CYBRD1: variants seen among roughly 807,000 people sequenced by gnomAD.
CYBRD1 encodes the protein cytochrome b reductase 1, also known as plasma membrane ascorbate-dependent reductase CYBRD1.
Under a neutral mutation model 21.9 loss-of-function variants are expected in CYBRD1, and 14 were observed. That is an observed-to-expected ratio of 0.64 (90% CI 0.42 to 1.00). The LOEUF is 1.00. CYBRD1 is among the 50% of genes least tolerant of loss of function. The probability of loss-of-function intolerance (pLI) is 0.00; values close to 1 mark genes in which losing one functional copy is unlikely to be tolerated. For synonymous variants in CYBRD1, 146 were observed against 136.5 expected (o/e 1.07, Z -0.48); for missense variants, 328 against 352.5 (o/e 0.93, Z 0.56).
At chr2:171,530,681 A>T (rs879358283) in intron 1 of CYBRD1, among the ~76,000 whole-genome samples, 6 of 152,158 alleles carry the variant, frequency 3.9e-5, no homozygotes, top group Admixed American at 2.6e-4. Context: ...CCAGGTTTTT[A>T]AAAAATTGGT....
At chr2:171,529,253 CA>C (rs1259317734) in intron 1 of CYBRD1, among the ~76,000 whole-genome samples, 1 of 152,182 alleles carries the variant, frequency 6.6e-6, no homozygotes, top group Non-Finnish European at 1.5e-5. Flanking sequence ...AAACTGCTGC[CA>C]GGGGCGGTGG....
intron 2 of CYBRD1, among the ~76,000 whole-genome samples, chr2:171,545,545 ATTTT>A (rs35880894): frequency 8.2e-6 from 1 of 121,580 alleles, no homozygotes; most frequent in Non-Finnish European, 1.7e-5. Flanking sequence ...CATGTGGCTA[ATTTT>A]TTTTTTTTTT....
At chr2:171,536,988 C>A (rs975383653) in intron 1 of CYBRD1, among the ~76,000 whole-genome samples, 9 of 152,098 alleles carry the variant, frequency 5.9e-5, no homozygotes, top group Non-Finnish European at 1.0e-4. Flanking sequence ...TAATTTTAAA[C>A]CATGAATTGA....
In CYBRD1 at chr2:171,553,463, G is replaced by C; in HGVS notation, c.520G>C (p.Ala174Pro). The C allele has an allele frequency of 6.2e-7, 1 of 1,612,934 alleles. No homozygotes were observed. Among genetic ancestry groups the C allele is most frequent in the Non-Finnish European group, 8.5e-7 (1 of 1,179,268 alleles). ...IVIFGTVIAT[A>P]LMGLTEKLIF... ...CATCTTTGGAACAGTGATTGCAACAGCACTTATGGGATTGACAGAGAAACT... is the reference window on the plus strand; with the variant it reads ...CATCTTTGGAACAGTGATTGCAACACCACTTATGGGATTGACAGAGAAACT... Residue 174 changes from alanine (A) to proline (P), a missense_variant, in exon 3 of 4, where the codon GCA becomes CCA. By Grantham distance (27) the Ala-to-Pro change is conservative. Coordinates refer to ENST00000321348, the MANE Select transcript of CYBRD1 (RefSeq NM_024843.4).
rs142470037 is a variant in CYBRD1 at position 171,552,695 on chromosome 2, C to G, written c.403-651C>G. The stretch of plus-strand genomic sequence containing the variant: ...CAACAGACTTCAGTTTATATAGGAA[C>G]CTTGCTGTCTTCTCTGCAAAGAGGT... On this transcript the variant is annotated intron_variant, in intron 2 of 3. Transcript: ENST00000321348. Among the ~76,000 whole-genome samples the G allele has an allele frequency of 3.6e-4, 55 of 152,288 alleles. 1 individual carries two copies. Among genetic ancestry groups the G allele is most frequent in the African/African-American group, 1.3e-3 (53 of 41,558 alleles).
At chr2:171,526,704 C>A (rs967344132) in intron 1 of CYBRD1, among the ~76,000 whole-genome samples, 2 of 152,130 alleles carry the variant, frequency 1.3e-5, no homozygotes, top group Non-Finnish European at 2.9e-5. Context: ...ACAGAAAAGA[C>A]TGAAACAAAT....
intron 2 of CYBRD1, 68 bp downstream of exon 2, chr2:171,541,861 C>CCT: frequency 2.7e-6 from 2 of 739,774 alleles, no homozygotes; most frequent in South Asian, 2.0e-5. Flanking sequence ...GTTTTCTTTT[C>CCT]TTTTTTTTTT....
At chr2:171,523,661 C>G (rs1216581435) in intron 1 of CYBRD1, among the ~76,000 whole-genome samples, 3 of 152,184 alleles carry the variant, frequency 2.0e-5, no homozygotes, top group Non-Finnish European at 2.9e-5. Flanking sequence ...CCTGCATTCT[C>G]TGGGCTGAGG....
intron 2 of CYBRD1, among the ~76,000 whole-genome samples, chr2:171,542,499 C>CAG (rs776426132): frequency 6.6e-5 from 10 of 151,886 alleles, no homozygotes; most frequent in Admixed American, 5.9e-4. Flanking sequence ...AAAGGAAAGA[C>CAG]AGAGAGAGAG....
chr2:171,529,604 G>C (rs1294357697), intron 1 of CYBRD1, among the ~76,000 whole-genome samples: 1 of 151,380 alleles, frequency 6.6e-6, no homozygotes, highest in East Asian at 1.9e-4. Flanking sequence ...TACTCAGAAG[G>C]ATGTAGGACA....
intron 3 of CYBRD1, 73 bp from the exon 4 acceptor site, chr2:171,554,451 A>T: frequency 6.0e-6 from 9 of 1,497,568 alleles, no homozygotes; most frequent in Non-Finnish European, 8.3e-6. Context: ...CATTTTGAGC[A>T]GATAAATTCA....
At chr2:171,553,211 C>T (rs2542941) in intron 2 of CYBRD1, 135 bp from the exon 3 acceptor site, 650,925 of 983,600 alleles carry the variant, frequency 0.66, 218,768 homozygotes, top group African/African-American at 0.85. Flanking sequence ...GGAACTGGAG[C>T]GAGGAAACTT....
In CYBRD1 at chr2:171,522,965, G is replaced by C. The variant is rs1400029610; in HGVS notation, c.193+227G>C. 1 of 659,126 alleles carries C rather than the reference G, an allele frequency of 1.5e-6. No individual in the cohort carries two copies. Among genetic ancestry groups the C allele is most frequent in the East Asian group, 3.1e-5 (1 of 32,216 alleles). 40.8% of individuals were successfully genotyped at this position (659,126 alleles called of 1,614,324 possible). A position where few individuals can be genotyped will look rare whatever the true frequency, so the allele number is the denominator to read the frequency against. ...TCAGGAGGATCGCCGCGAGCGCGGG[G>C]CCGGGGGTGCGCGGTGGAGACGCGC... On this transcript the variant is annotated intron_variant, in intron 1 of 3. Transcript: ENST00000321348. This position sits in a 1 kb window ranked among gnomAD's most constrained non-coding sequence, Gnocchi z 4.3.
intron 3 of CYBRD1, among the ~76,000 whole-genome samples, chr2:171,554,058 A>G (rs192131469): frequency 6.6e-6 from 1 of 152,248 alleles, no homozygotes; most frequent in Admixed American, 6.5e-5. Flanking sequence ...GTTGGTGTTC[A>G]CTGCATGTAA....
At chr2:171,534,006 G>A (rs1015701620) in intron 1 of CYBRD1, among the ~76,000 whole-genome samples, 2 of 151,950 alleles carry the variant, frequency 1.3e-5, no homozygotes, top group Admixed American at 6.6e-5. Context: ...ACACCCAGCC[G>A]ACATTTTCTA....
At chr2:171,526,847 T>G (rs1054063644) in intron 1 of CYBRD1, among the ~76,000 whole-genome samples, 1 of 152,200 alleles carries the variant, frequency 6.6e-6, no homozygotes, top group Non-Finnish European at 1.5e-5. Context: ...TTCCTTCCTT[T>G]CCTGTGTAGA....
At chr2:171,544,668 A>G (rs1438625493) in intron 2 of CYBRD1, among the ~76,000 whole-genome samples, 2 of 152,172 alleles carry the variant, frequency 1.3e-5, no homozygotes, top group African/African-American at 4.8e-5. Flanking sequence ...TCTTCCCATC[A>G]CCATTTATTG....
chr2:171,525,975 A>G (rs1207445318), intron 1 of CYBRD1, among the ~76,000 whole-genome samples: 1 of 144,246 alleles, frequency 6.9e-6, no homozygotes, highest in African/African-American at 2.6e-5. Flanking sequence ...AAAAAAAAGA[A>G]GTAGGCTCTG....
chr2:171,553,453 G>A lies in CYBRD1; in HGVS notation c.510G>A (p.Val170=), dbSNP rs772947456. 1 of 1,613,580 alleles carries A rather than the reference G, an allele frequency of 6.2e-7. No homozygotes were observed. Among genetic ancestry groups the A allele is most frequent in the South Asian group, 1.1e-5 (1 of 91,056 alleles). The change falls in exon 3 of 4, where the codon GTG becomes GTA. Residue 170 remains valine, a synonymous_variant. Coordinates refer to ENST00000321348, the MANE Select transcript of CYBRD1 (RefSeq NM_024843.4). ...VYSGIVIFGT[V]IATALMGLTE... Reference sequence around the variant, plus strand: ...CTGGAATTGTCATCTTTGGAACAGTGATTGCAACAGCACTTATGGGATTGA... The same window carrying A: ...CTGGAATTGTCATCTTTGGAACAGTAATTGCAACAGCACTTATGGGATTGA...
Sources: allele counts gnomAD v4.1 joint callset (sites outside exome capture counted in the v4.1 genomes callset), GRCh38; gene constraint gnomAD v4.1.1; non-coding constraint Gnocchi (gnomAD v3.1); transcripts MANE v1.5; gene names NCBI Gene and HGNC (gene_info 2026-07-23, HGNC 2026-07-21).